The following XKR4 variants were observed in gnomAD, a reference collection of about 807,000 sequenced individuals.
The protein encoded by XKR4 is XK related 4.
XKR4 carries 12 observed loss-of-function variants against 53.9 expected under a neutral mutation model. The ratio of observed to expected loss-of-function variants is 0.22; its 90% CI spans 0.14 to 0.36. The LOEUF is 0.36. Ranked by LOEUF, XKR4 falls within the 10% of genes least tolerant of loss-of-function variation. The probability of loss-of-function intolerance (pLI) is 1.00; values close to 1 mark genes in which losing one functional copy is unlikely to be tolerated. For missense variants in XKR4, 799 were observed against 859.5 expected (o/e 0.93, Z 0.88); for synonymous variants, 354 against 362.4 (o/e 0.98, Z 0.26).
chr8:55,523,633 A>C lies in XKR4; in HGVS notation c.1359A>C (p.Thr453=). The C allele has an allele frequency of 3.1e-6, 5 of 1,614,234 alleles. No individual in the cohort carries two copies. Among genetic ancestry groups the C allele is most frequent in the Non-Finnish European group, 4.2e-6 (5 of 1,180,046 alleles). The change falls in exon 3 of 3, where the codon ACA becomes ACC. Residue 453 remains threonine (T), a synonymous_variant. Coordinates refer to ENST00000327381, the MANE Select transcript of XKR4 (RefSeq NM_052898.2). ...GGTTCAATGTCAAGGAAGGCAGGAC[A>C]CGCTGCAGGCTATTCATTTACTATT... ...FSWFNVKEGR[T]RCRLFIYYFV...
intron 1 of XKR4, among the ~76,000 whole-genome samples, chr8:55,315,358 G>A (rs1819458027): frequency 6.6e-6 from 1 of 152,184 alleles, no homozygotes; most frequent in South Asian, 2.1e-4. Context: ...GCCTTGGTCA[G>A]TGTCCGTGAG....
At position 55,214,977 on chromosome 8, in the gene XKR4, A is replaced by G. The variant is rs2129364324; in HGVS notation, c.806+111683A>G. Among the ~76,000 whole-genome samples the G allele has an allele frequency of 1.3e-5, 2 of 152,330 alleles. 1 individual carries two copies. Among genetic ancestry groups the G allele is most frequent in the Middle Eastern group, 6.8e-3 (2 of 294 alleles). On this transcript the variant is annotated intron_variant, in intron 1 of 2. Coordinates refer to ENST00000327381, the MANE Select transcript of XKR4 (RefSeq NM_052898.2). ...TGTGTCTTTAGCAACATAGAATAGT[A>G]AATTGTGATTCTACCATCAGTTCAT...
At chr8:55,370,278 T>A (rs1804053433) in intron 2 of XKR4, among the ~76,000 whole-genome samples, 1 of 152,124 alleles carries the variant, frequency 6.6e-6, no homozygotes, top group African/African-American at 2.4e-5. Context: ...GTCAGTGAGG[T>A]CAATAAAGGT....
intron 1 of XKR4, among the ~76,000 whole-genome samples, chr8:55,113,027 T>C (rs1474038466): frequency 1.3e-5 from 2 of 152,180 alleles, no homozygotes; most frequent in African/African-American, 4.8e-5. Flanking sequence ...TGGCTAGGTT[T>C]GAAAACTTGA....
At chr8:55,103,324 C>A (rs1816085505) in intron 1 of XKR4, 30 bp downstream of exon 1, 1 of 1,557,704 alleles carries the variant, frequency 6.4e-7, no homozygotes, top group Admixed American at 1.9e-5. Flanking sequence ...AAAAGGGAGG[C>A]TTGCTGCTGC....
chr8:55,151,029 A>C (rs1422359716), intron 1 of XKR4, among the ~76,000 whole-genome samples: 2 of 152,190 alleles, frequency 1.3e-5, no homozygotes, highest in Non-Finnish European at 1.5e-5. Context: ...CAATTACTCA[A>C]CTTGCACTCA....
intron 2 of XKR4, among the ~76,000 whole-genome samples, chr8:55,360,418 A>G (rs1431842840): frequency 6.6e-6 from 1 of 152,238 alleles, no homozygotes; most frequent in African/African-American, 2.4e-5. Flanking sequence ...CTAAGAACAG[A>G]GCTGTTCCCC....
intron 2 of XKR4, among the ~76,000 whole-genome samples, chr8:55,437,892 G>A (rs1170202374): frequency 6.6e-6 from 1 of 151,884 alleles, no homozygotes; most frequent in African/African-American, 2.4e-5. Context: ...GGAATTGGGT[G>A]AGACCCCAGC....
intron 2 of XKR4, among the ~76,000 whole-genome samples, chr8:55,512,542 C>T (rs1806643661): frequency 6.6e-6 from 1 of 152,240 alleles, no homozygotes; most frequent in African/African-American, 2.4e-5. Flanking sequence ...ACACTGCTCA[C>T]TATGCTGTAA....
At chr8:55,227,955 G>A (rs977502260) in intron 1 of XKR4, among the ~76,000 whole-genome samples, 4 of 152,092 alleles carry the variant, frequency 2.6e-5, no homozygotes, top group East Asian at 3.9e-4. Context: ...CATCCAGGAC[G>A]GAGGGCAGTG....
chr8:55,124,599 G>A (rs1163810344), intron 1 of XKR4, among the ~76,000 whole-genome samples: 4 of 152,156 alleles, frequency 2.6e-5, no homozygotes, highest in Non-Finnish European at 4.4e-5. Flanking sequence ...CAGAGTAAGC[G>A]TTGAGCTTCA....
At chr8:55,268,067 A>G (rs913070410) in intron 1 of XKR4, among the ~76,000 whole-genome samples, 16 of 152,210 alleles carry the variant, frequency 1.1e-4, no homozygotes, top group African/African-American at 2.4e-5. Context: ...GCTCTGTCCT[A>G]TATTGGATGT....
At chr8:55,415,337 G>T (rs187002289) in intron 2 of XKR4, among the ~76,000 whole-genome samples, 3 of 152,318 alleles carry the variant, frequency 2.0e-5, no homozygotes, top group Admixed American at 2.0e-4. Flanking sequence ...TTAGACATTG[G>T]CAGAGACTGG....
intron 1 of XKR4, among the ~76,000 whole-genome samples, chr8:55,353,135 G>C (rs1803749053): frequency 6.6e-6 from 1 of 152,180 alleles, no homozygotes; most frequent in Non-Finnish European, 1.5e-5. Flanking sequence ...AGAAGTCATG[G>C]AGTGAACAAG....
At position 55,271,608 on chromosome 8, in the gene XKR4, G is replaced by A. The variant is rs143684592; in HGVS notation, c.807-86070G>A. Among the ~76,000 whole-genome samples the A allele has an allele frequency of 4.0e-3, 609 of 152,344 alleles. 4 individuals are homozygous for A. The highest frequency in any genetic ancestry group is 0.02 in the South Asian group (96 of 4,830). On this transcript the variant is annotated intron_variant, in intron 1 of 2. Coordinates refer to ENST00000327381, the MANE Select transcript of XKR4 (RefSeq NM_052898.2). ...GCAGAGGGCTGGAAAGCTTTATAGC[G>A]GAGAAACAAATGGCTCCAGGTGTGC...
chr8:55,263,574 T>C (rs941258032), intron 1 of XKR4, among the ~76,000 whole-genome samples: 12 of 152,238 alleles, frequency 7.9e-5, no homozygotes, highest in African/African-American at 2.9e-4. Context: ...TTTGAAGTAA[T>C]CACTGTAATG....
chr8:55,511,133 G>A (rs950689350), intron 2 of XKR4, among the ~76,000 whole-genome samples: 1 of 152,158 alleles, frequency 6.6e-6, no homozygotes, highest in South Asian at 2.1e-4. Flanking sequence ...AACCCAGGGG[G>A]TGGGACGCTG....
At chr8:55,254,962 C>A (rs1818417353) in intron 1 of XKR4, among the ~76,000 whole-genome samples, 1 of 152,228 alleles carries the variant, frequency 6.6e-6, no homozygotes, top group African/African-American at 2.4e-5. Flanking sequence ...TGCACGACAA[C>A]CAAGCTGATG....
intron 2 of XKR4, chr8:55,452,808 C>T (rs1805475091): frequency 1.3e-6 from 1 of 775,756 alleles, no homozygotes; most frequent in Non-Finnish European, 2.3e-6. Context: ...GGGGACCAGG[C>T]TGTTGCTGGT....
Sources: gnomAD v4.1 joint callset for allele counts (sites outside exome capture counted in the v4.1 genomes callset) on GRCh38, gnomAD v4.1.1 for gene constraint, MANE v1.5 for transcripts, NCBI Gene and HGNC (gene_info 2026-07-23, HGNC 2026-07-21) for gene names.